Variants in DISP1 observed in about 807,000 individuals in gnomAD.
DISP1 encodes the protein dispatched RND transporter family member 1.
In DISP1, 30 loss-of-function variants were observed where a neutral mutation model predicts 37.3. That is an observed-to-expected ratio of 0.80 (90% confidence interval 0.60 to 1.09). DISP1 has a LOEUF of 1.09. Among genes scored for constraint, DISP1 ranks in the 50% least tolerant of loss-of-function variants. DISP1 has a pLI of 0.00. For missense variants in DISP1, 1,598 were observed against 1,879.5 expected (o/e 0.85, Z 2.77); for synonymous variants, 634 against 690.2 (o/e 0.92, Z 1.28).
At chr1:222,943,549 C>A (rs750265155) in intron 3 of DISP1, 14 of 626,144 alleles carry the variant, frequency 2.2e-5, no homozygotes, top group Non-Finnish European at 3.6e-5. Flanking sequence ...ATCCTCCCTT[C>A]CCCTTTCCCT....
chr1:222,990,682 C>T lies in DISP1; in HGVS notation c.597C>T (p.Phe199=), dbSNP rs779338301. 5.0e-5 allele frequency: 81 copies of T among 1,614,154 alleles called. 1 individual carries two copies. The highest frequency in any genetic ancestry group is 2.0e-4 in the South Asian group (18 of 91,066). The change falls in exon 5 of 9, where the codon TTC becomes TTT. Residue 199 remains phenylalanine (F), a synonymous_variant. Transcript: ENST00000675850. ...TGGTCTTGGGCATGTGCACCATGTT[C>T]ATCGTAGTCTGTGCCTTGGTTGGAG... The part of the protein sequence containing the change: ...PVVVLGMCTM[F]IVVCALVGVL...
intron 3 of DISP1, among the ~76,000 whole-genome samples, chr1:222,947,750 G>C: frequency 6.6e-6 from 1 of 151,826 alleles, no homozygotes; most frequent in Non-Finnish European, 1.5e-5. Context: ...CCTAATTGAT[G>C]TGAGATTATA....
intron 1 of DISP1, among the ~76,000 whole-genome samples, chr1:222,901,742 G>T (rs1233804690): frequency 6.6e-6 from 1 of 152,146 alleles, no homozygotes; most frequent in East Asian, 1.9e-4. Flanking sequence ...GGCCAGGCTG[G>T]TCTGGAACTC....
intron 1 of DISP1, among the ~76,000 whole-genome samples, chr1:222,849,839 T>C (rs1050142057): frequency 6.6e-6 from 1 of 152,168 alleles, no homozygotes; most frequent in African/African-American, 2.4e-5. Flanking sequence ...TCTGGTACAA[T>C]ATCTATTAAG....
chr1:222,942,965 A>G lies in DISP1; in HGVS notation c.142A>G (p.Thr48Ala), dbSNP rs759438331. Residue 48 changes from threonine to alanine, a missense_variant, in exon 3 of 9, where the codon ACA (threonine) becomes GCA (alanine). Transcript: ENST00000675850. Reference sequence around the variant, plus strand: ...GCTCACACCCAAAGAAGCAACAAGAACAAAAGTGAGTCCAAATGGATGCCT... The same window carrying G: ...GCTCACACCCAAAGAAGCAACAAGAGCAAAAGTGAGTCCAAATGGATGCCT... ...QQLTPKEATR[T>A]KVSPNGCLQL... 5 of 1,614,096 alleles carry G rather than the reference A, an allele frequency of 3.1e-6. No homozygotes were observed. The South Asian group carries it at 3.3e-5, about 11-fold the overall frequency.
chr1:222,984,435 T>TAA (rs67660273), intron 4 of DISP1, among the ~76,000 whole-genome samples: 1 of 108,398 alleles, frequency 9.2e-6, no homozygotes, highest in Non-Finnish European at 1.8e-5. Context: ...TATATATATA[T>TAA]AGAGAGAGAG....
intron 8 of DISP1, among the ~76,000 whole-genome samples, chr1:223,000,229 G>T (rs575549436): frequency 2.2e-4 from 33 of 152,236 alleles, no homozygotes; most frequent in Non-Finnish European, 4.1e-4. Context: ...AGACATTGGG[G>T]TTGCATTACC....
intron 3 of DISP1, among the ~76,000 whole-genome samples, chr1:222,967,544 A>T (rs887049978): frequency 6.6e-6 from 1 of 152,180 alleles, no homozygotes; most frequent in Admixed American, 6.5e-5. Flanking sequence ...TAAGTTTTCC[A>T]TATGAAAGAG....
At chr1:222,973,582 A>G (rs1677102880) in intron 3 of DISP1, among the ~76,000 whole-genome samples, 2 of 152,204 alleles carry the variant, frequency 1.3e-5, no homozygotes, top group South Asian at 4.1e-4. Flanking sequence ...CTTATTAACA[A>G]GTGAACAGTA....
intron 1 of DISP1, among the ~76,000 whole-genome samples, chr1:222,895,707 A>G (rs1671212276): frequency 6.6e-6 from 1 of 152,208 alleles, no homozygotes; most frequent in South Asian, 2.1e-4. Flanking sequence ...TTCAATGGAG[A>G]AGGATCAGTC....
intron 2 of DISP1, among the ~76,000 whole-genome samples, chr1:222,940,736 T>C (rs1295104797): frequency 1.3e-5 from 2 of 152,010 alleles, no homozygotes; most frequent in Admixed American, 6.6e-5. Context: ...GCAGGAGGAG[T>C]TGACTTTCCC....
intron 1 of DISP1, among the ~76,000 whole-genome samples, chr1:222,852,296 T>G (rs747140480): frequency 6.6e-6 from 1 of 152,178 alleles, no homozygotes; most frequent in Non-Finnish European, 1.5e-5. Flanking sequence ...TTTAGTATTT[T>G]TTTTTTCTAG....
intron 1 of DISP1, among the ~76,000 whole-genome samples, chr1:222,828,413 GA>G (rs1160955873): frequency 1.3e-5 from 2 of 151,990 alleles, no homozygotes; most frequent in African/African-American, 2.4e-5. Flanking sequence ...TCCTTCTCCT[GA>G]ACCTCCTTCT....
chr1:222,820,226 G>A (rs74145575), intron 1 of DISP1, among the ~76,000 whole-genome samples: 4,508 of 152,276 alleles, frequency 0.03, 210 homozygotes, highest in African/African-American at 0.1. Flanking sequence ...AATGGAGGTG[G>A]TATTCGGGCT....
chr1:222,851,274 C>A (rs1357245890), intron 1 of DISP1, among the ~76,000 whole-genome samples: 1 of 152,018 alleles, frequency 6.6e-6, no homozygotes, highest in Non-Finnish European at 1.5e-5. Context: ...CCATGTTGGC[C>A]AGGCTGGTCT....
At chr1:222,901,497 T>TTTTG (rs371215213) in intron 1 of DISP1, among the ~76,000 whole-genome samples, 25 of 151,734 alleles carry the variant, frequency 1.6e-4, no homozygotes, top group Non-Finnish European at 2.5e-4. Context: ...ACTTATAGAT[T>TTTTG]TTTGTTTGTT....
At chr1:222,932,976 A>G (rs1309074392) in intron 2 of DISP1, among the ~76,000 whole-genome samples, 1 of 151,970 alleles carries the variant, frequency 6.6e-6, no homozygotes, top group African/African-American at 2.4e-5. Flanking sequence ...ACATAGACCA[A>G]AGGTACATTG....
intron 1 of DISP1, among the ~76,000 whole-genome samples, chr1:222,869,435 AGG>A (rs1669391455): frequency 6.6e-6 from 1 of 152,116 alleles, no homozygotes; most frequent in South Asian, 2.1e-4. Context: ...TTCTCAATTT[AGG>A]TGTGTGTGTT....
intron 1 of DISP1, among the ~76,000 whole-genome samples, chr1:222,917,386 A>G (rs1191004970): frequency 1.3e-5 from 2 of 152,146 alleles, no homozygotes; most frequent in East Asian, 3.9e-4. Flanking sequence ...AGGGTCCTAT[A>G]GGGACTTGAA....
Sources: allele counts gnomAD v4.1 joint callset (sites outside exome capture counted in the v4.1 genomes callset), GRCh38; gene constraint gnomAD v4.1.1; transcripts MANE v1.5; gene names NCBI Gene and HGNC (gene_info 2026-07-23, HGNC 2026-07-21).